PRH1: variants seen among roughly 807,000 people sequenced by gnomAD.
PRH1 encodes the protein proline rich protein HaeIII subfamily 1.
PRH1 carries 7 observed loss-of-function variants against 7.9 expected under a neutral mutation model. That is an observed-to-expected ratio of 0.89 (90% CI 0.50 to 1.67). The LOEUF is 1.67. Ranked by LOEUF, PRH1 falls within the 40% of genes most tolerant of loss-of-function variation. The pLI is 0.00. For missense variants in PRH1, 109 were observed against 223.6 expected (o/e 0.49, Z 3.27); for synonymous variants, 45 against 80.8 (o/e 0.56, Z 2.38).
chr12:11,139,306 T>G (rs1458367575), intron 1 of PRH1, among the ~76,000 whole-genome samples: 1 of 152,068 alleles, frequency 6.6e-6, no homozygotes, highest in Non-Finnish European at 1.5e-5. Flanking sequence ...GGTCAGAAAA[T>G]AGAATTTGCC....
At chr12:11,010,437 T>C (rs951568434) in intron 1 of PRH1, among the ~76,000 whole-genome samples, 1 of 151,898 alleles carries the variant, frequency 6.6e-6, no homozygotes, top group Non-Finnish European at 1.5e-5. Context: ...CTTATAATTC[T>C]TATATTATTC....
intron 1 of PRH1, among the ~76,000 whole-genome samples, chr12:11,015,558 A>C (rs1399422032): frequency 6.6e-6 from 1 of 152,072 alleles, no homozygotes; most frequent in African/African-American, 2.4e-5. Flanking sequence ...GATATTGGCC[A>C]CTCCAACAGA....
chr12:11,143,338 A>AATTGT (rs1946762320), intron 1 of PRH1, among the ~76,000 whole-genome samples: 1 of 152,200 alleles, frequency 6.6e-6, no homozygotes, highest in African/African-American at 2.4e-5. Flanking sequence ...TAGTAATCGC[A>AATTGT]AATCAAAAAA....
At chr12:10,912,204 G>C (rs937616477) in intron 2 of PRH1, among the ~76,000 whole-genome samples, 1 of 152,084 alleles carries the variant, frequency 6.6e-6, no homozygotes, top group Non-Finnish European at 1.5e-5. Context: ...TTTATTTTGA[G>C]TTTGGAGACT....
At chr12:11,071,608 A>G (rs1426250414) in intron 1 of PRH1, among the ~76,000 whole-genome samples, 1 of 152,190 alleles carries the variant, frequency 6.6e-6, no homozygotes, top group Non-Finnish European at 1.5e-5. Flanking sequence ...GACAGAGTTG[A>G]TTACCCTCTA....
intron 1 of PRH1, among the ~76,000 whole-genome samples, chr12:11,169,727 T>C (rs1326173377): frequency 6.6e-6 from 1 of 152,170 alleles, no homozygotes; most frequent in Non-Finnish European, 1.5e-5. Context: ...CTATATATCT[T>C]CTCCCAGTTC....
At chr12:10,989,618 C>T (rs1939830367) in intron 1 of PRH1, among the ~76,000 whole-genome samples, 1 of 152,138 alleles carries the variant, frequency 6.6e-6, no homozygotes. Context: ...CCCAAAAAGA[C>T]ACCACCACTT....
intron 1 of PRH1, among the ~76,000 whole-genome samples, chr12:11,149,739 C>CCTAGAAGAA: frequency 7.2e-6 from 1 of 139,068 alleles, no homozygotes; most frequent in Admixed American, 7.3e-5. Flanking sequence ...TAGGCATTAC[C>CCTAGAAGAA]ATTCAGGACA....
At chr12:11,017,038 C>A (rs1212022279) in intron 1 of PRH1, among the ~76,000 whole-genome samples, 6 of 152,240 alleles carry the variant, frequency 3.9e-5, no homozygotes, top group Non-Finnish European at 8.8e-5. Context: ...AAATTTAAAT[C>A]ACTACTTACA....
At chr12:11,115,351 C>T (rs1422549116) in intron 1 of PRH1, among the ~76,000 whole-genome samples, 1 of 152,054 alleles carries the variant, frequency 6.6e-6, no homozygotes, top group Non-Finnish European at 1.5e-5. Context: ...AATGATATTG[C>T]AATTGTAAAT....
At chr12:11,136,130 A>T (rs1032518154) in intron 1 of PRH1, among the ~76,000 whole-genome samples, 6 of 152,186 alleles carry the variant, frequency 3.9e-5, no homozygotes, top group African/African-American at 9.7e-5. Context: ...TCCATAATTT[A>T]TATTGATTAT....
chr12:11,084,198 C>T (rs956812986), intron 1 of PRH1, among the ~76,000 whole-genome samples: 1 of 28,058 alleles, frequency 3.6e-5, no homozygotes, highest in Admixed American at 4.9e-4. Flanking sequence ...GGGATTGTAA[C>T]GGGCACAAGC....
intron 2 of PRH1, among the ~76,000 whole-genome samples, chr12:10,967,178 G>A (rs1333616143): frequency 2.0e-5 from 3 of 151,218 alleles, no homozygotes; most frequent in African/African-American, 4.9e-5. Flanking sequence ...TTCAGGTAGC[G>A]TCTTCTCTTA....
chr12:11,159,415 GATTA>G (rs1006421666), intron 1 of PRH1: 1 of 150,844 alleles, frequency 6.6e-6, no homozygotes, highest in African/African-American at 2.4e-5. Flanking sequence ...ATACTTAACT[GATTA>G]ATTAATGCCC....
At chr12:11,072,832 T>A (rs1489366733) in intron 1 of PRH1, among the ~76,000 whole-genome samples, 8 of 119,436 alleles carry the variant, frequency 6.7e-5, no homozygotes, top group South Asian at 2.3e-4. Flanking sequence ...ACAGTTGGCC[T>A]TTGTTTGGTA....
chr12:11,037,167 G>T (rs1303267482), intron 1 of PRH1, among the ~76,000 whole-genome samples: 5 of 151,960 alleles, frequency 3.3e-5, no homozygotes, highest in Admixed American at 3.3e-4. Flanking sequence ...ACACTAACAT[G>T]GACAAATAGT....
intron 1 of PRH1, among the ~76,000 whole-genome samples, chr12:11,146,407 A>T (rs535266010): frequency 3.9e-5 from 6 of 152,164 alleles, no homozygotes; most frequent in African/African-American, 1.4e-4. Context: ...CATCACAACA[A>T]TGAGAATGTC....
chr12:11,123,231 T>G (rs939888626), intron 1 of PRH1, among the ~76,000 whole-genome samples: 1 of 152,292 alleles, frequency 6.6e-6, no homozygotes, highest in Admixed American at 6.5e-5. Flanking sequence ...TTATCCATCT[T>G]TATTTGATAT....
intron 1 of PRH1, among the ~76,000 whole-genome samples, chr12:11,169,348 G>A (rs1266237906): frequency 6.6e-6 from 1 of 152,164 alleles, no homozygotes; most frequent in Non-Finnish European, 1.5e-5. Flanking sequence ...CCACTCTCAG[G>A]TGGAAAGAAG....
Sources: gnomAD v4.1 joint callset for allele counts (sites outside exome capture counted in the v4.1 genomes callset) on GRCh38, gnomAD v4.1.1 for gene constraint, MANE v1.5 for transcripts, NCBI Gene and HGNC (gene_info 2026-07-23, HGNC 2026-07-21) for gene names.